PSMD8: variants seen among roughly 807,000 people sequenced by gnomAD.
PSMD8 encodes the protein 26S proteasome non-ATPase regulatory subunit 8.
PSMD8 carries 30 observed loss-of-function variants against 40.0 expected under a neutral mutation model. The observed-to-expected ratio is 0.75, with a 90% CI of 0.56 to 1.02. The LOEUF (loss-of-function observed/expected upper bound fraction) is 1.02, where lower values mean the gene tolerates loss of function less well. PSMD8 is among the 50% of genes least tolerant of loss of function. PSMD8 has a pLI of 0.00. For missense variants in PSMD8, 461 were observed against 463.9 expected (o/e 0.99, Z 0.06); for synonymous variants, 208 against 192.5 (o/e 1.08, Z -0.67).
chr19:38,380,721 T>TGCGCGCGCGC (rs1970633120), intron 4 of PSMD8, among the ~76,000 whole-genome samples, 178 bp from the exon 5 acceptor site: 1 of 123,936 alleles, frequency 8.1e-6, no homozygotes, highest in Non-Finnish European at 1.8e-5. Flanking sequence ...TGTGTGTGTG[T>TGCGCGCGCGC]GTGTGTGTGC....
rs147245117 is a variant in PSMD8, at chr19:38,381,181, C to T, written c.803+182C>T. ...GGCCTGGTCATGGGATTGTGGATAA[C>T]GGCTCTCATCTCACCACCCTTGGCT... is the stretch of plus-strand genomic sequence containing the variant. On this transcript the variant is annotated intron_variant, in intron 5 of 6. Transcript: ENST00000215071. 9.2e-4 allele frequency: 505 copies of T among 551,342 alleles called. 7 individuals are homozygous for T. Among genetic ancestry groups the T allele is most frequent in the African/African-American group, 8.5e-3 (449 of 52,538 alleles). 34.2% of individuals were successfully genotyped at this position (551,342 alleles called of 1,614,324 possible).
intron 6 of PSMD8, chr19:38,382,674 A>G: frequency 4.1e-6 from 1 of 245,812 alleles, no homozygotes; most frequent in Non-Finnish European, 7.8e-6. Context: ...TGGGAGGCTG[A>G]GGTGGGAGGA....
Position 38,379,284 on chromosome 19 carries a change from T to G in PSMD8, c.581T>G (p.Leu194Arg). The G allele has an allele frequency of 6.2e-7, 1 of 1,613,974 alleles. No individual in the cohort carries two copies. Among genetic ancestry groups the G allele is most frequent in the Non-Finnish European group, 8.5e-7 (1 of 1,179,874 alleles). The part of the protein sequence containing the change: ...ESAYMHQLLG[L>R]NLLFLLSQNR... The stretch of plus-strand genomic sequence containing the variant: ...GCCTATATGCACCAGCTCTTGGGCC[T>G]CAACCTCCTCTTCCTGCTGTCCCAG... The change falls in exon 4 of 7, where the codon CTC becomes CGC. Residue 194 changes from leucine to arginine, a missense_variant. Leu to Arg is a moderately radical substitution (Grantham distance 102). This residue lies in a region of PSMD8 where 236 missense variants were observed against 321.2 expected (regional missense o/e 0.73). Coordinates refer to ENST00000215071, the MANE Select transcript of PSMD8 (RefSeq NM_002812.5).
At chr19:38,376,483 G>T in intron 3 of PSMD8, 29 bp downstream of exon 3, 2 of 1,517,028 alleles carry the variant, frequency 1.3e-6, no homozygotes, top group Non-Finnish European at 1.8e-6. Flanking sequence ...CCCAACTGGG[G>T]GGGTGGTTGC....
chr19:38,382,540 G>A (rs964900494), intron 6 of PSMD8: 13 of 553,224 alleles, frequency 2.3e-5, no homozygotes, highest in African/African-American at 3.8e-5. Context: ...GGTCTCAGGC[G>A]TTTGAGCACG....
chr19:38,383,345 C>T lies in PSMD8; in HGVS notation c.1008C>T (p.Ala336=), dbSNP rs756539454. ...CCACCATTCCCTCCACAGAACTGGC[C>T]AAACAGGTCATCGAGTATGCCCGGC... The part of the protein sequence containing the change: ...EDTTIPSTEL[A]KQVIEYARQL... The change falls in exon 7 of 7, where the codon GCC becomes GCT. Residue 336 remains alanine (A), a synonymous_variant. Coordinates refer to ENST00000215071, the MANE Select transcript of PSMD8 (RefSeq NM_002812.5). 1 of 1,613,864 alleles carries T rather than the reference C, an allele frequency of 6.2e-7. No homozygotes were observed. The highest frequency in any genetic ancestry group is 1.7e-5 in the Admixed American group (1 of 59,982).
Sources: gnomAD v4.1 joint callset for allele counts (sites outside exome capture counted in the v4.1 genomes callset) on GRCh38, gnomAD v4.1.1 for gene constraint, gnomAD v4.1.1 regional missense constraint, MANE v1.5 for transcripts, NCBI Gene and HGNC (gene_info 2026-07-23, HGNC 2026-07-21) for gene names.